Variants in EMCN observed in about 807,000 individuals in gnomAD.
The protein encoded by EMCN is endomucin, also known as MUC-14.
EMCN carries 37 observed loss-of-function variants against 38.4 expected under a neutral mutation model. The observed-to-expected ratio is 0.96, with a 90% CI of 0.74 to 1.27. The LOEUF is 1.27. Among genes scored for constraint, EMCN ranks in the 50% most tolerant of loss-of-function variants. The probability of loss-of-function intolerance (pLI) is 0.00; values close to 1 mark genes in which losing one functional copy is unlikely to be tolerated. For missense variants in EMCN, 318 were observed against 302.8 expected, an observed-to-expected ratio of 1.05 and a Z score of -0.37; for synonymous variants, 95 against 100.8, an observed-to-expected ratio of 0.94 and a Z score of 0.35.
At chr4:100,473,369 T>TTTTC (rs1728538472) in intron 3 of EMCN, among the ~76,000 whole-genome samples, 1 of 99,828 alleles carries the variant, frequency 1.0e-5, no homozygotes, top group Non-Finnish European at 1.9e-5. Flanking sequence ...TTTCGTGTTT[T>TTTTC]TTTGTTTTTT....
At chr4:100,488,444 C>T (rs1402476731) in intron 1 of EMCN, among the ~76,000 whole-genome samples, 2 of 152,016 alleles carry the variant, frequency 1.3e-5, no homozygotes, top group Non-Finnish European at 2.9e-5. Context: ...TGTTGATCTA[C>T]CCAGAACTAG....
intron 1 of EMCN, among the ~76,000 whole-genome samples, chr4:100,514,653 C>T (rs1405382756): frequency 6.6e-6 from 1 of 152,066 alleles, no homozygotes; most frequent in Non-Finnish European, 1.5e-5. Flanking sequence ...TCTTATTTCT[C>T]AGTACTTAAC....
intron 10 of EMCN, 114 bp downstream of exon 10, chr4:100,415,784 C>T (rs1215925543): frequency 5.1e-5 from 33 of 643,422 alleles, no homozygotes; most frequent in Non-Finnish European, 7.8e-5. Context: ...CAGTAATTGG[C>T]TATTTCTAAA....
intron 11 of EMCN, among the ~76,000 whole-genome samples, chr4:100,407,180 G>A (rs566431292): frequency 6.6e-6 from 1 of 152,216 alleles, no homozygotes; most frequent in East Asian, 1.9e-4. Flanking sequence ...TAATCAATTT[G>A]CCACTTTATG....
chr4:100,410,683 A>G (rs1726528550), intron 10 of EMCN, among the ~76,000 whole-genome samples: 2 of 152,192 alleles, frequency 1.3e-5, no homozygotes, highest in Non-Finnish European at 2.9e-5. Flanking sequence ...TGCTTGTTAC[A>G]TGAGCTGGCT....
chr4:100,411,521 A>C (rs1209020759), intron 10 of EMCN, among the ~76,000 whole-genome samples: 2 of 152,180 alleles, frequency 1.3e-5, no homozygotes, highest in Non-Finnish European at 1.5e-5. Flanking sequence ...TTTAATAACA[A>C]TATGATATCA....
At chr4:100,425,889 G>C (rs1727031029) in intron 5 of EMCN, among the ~76,000 whole-genome samples, 1 of 152,104 alleles carries the variant, frequency 6.6e-6, no homozygotes, top group Non-Finnish European at 1.5e-5. Context: ...AGATGACATA[G>C]ATTTGTTCTT....
chr4:100,459,418 G>A lies in EMCN; in HGVS notation c.376+6005C>T, dbSNP rs114321979. On this transcript the variant is annotated intron_variant, in intron 4 of 11. Transcript: ENST00000296420. The stretch of plus-strand genomic sequence containing the variant: ...TCACATACTTATTAGTTTTTTTGTG[G>A]TCAGAACATTTAAAATCTACTCTCT... 7.4e-3 allele frequency among the ~76,000 whole-genome samples: 1,122 copies of A among 151,942 alleles called. 12 individuals are homozygous for A. Among genetic ancestry groups the A allele is most frequent in the Middle Eastern group, 0.017 (5 of 294 alleles).
At chr4:100,481,151 A>G (rs1728795312) in intron 1 of EMCN, among the ~76,000 whole-genome samples, 1 of 152,128 alleles carries the variant, frequency 6.6e-6, no homozygotes, top group South Asian at 2.1e-4. Context: ...GTTAGTTAAG[A>G]GGATGGACTT....
intron 5 of EMCN, among the ~76,000 whole-genome samples, chr4:100,443,157 T>C (rs770584200): frequency 6.6e-6 from 1 of 152,220 alleles, no homozygotes; most frequent in Non-Finnish European, 1.5e-5. Flanking sequence ...GCCCAGCTCA[T>C]TACTTTAAAT....
intron 5 of EMCN, among the ~76,000 whole-genome samples, 180 bp from the exon 6 acceptor site, chr4:100,423,584 A>G (rs1726959709): frequency 6.6e-6 from 1 of 152,176 alleles, no homozygotes; most frequent in African/African-American, 2.4e-5. Flanking sequence ...CTGGAAAGAT[A>G]ATTAAATTTA....
At chr4:100,516,929 C>T (rs1037455336) in intron 1 of EMCN, among the ~76,000 whole-genome samples, 2 of 151,720 alleles carry the variant, frequency 1.3e-5, no homozygotes, top group Admixed American at 1.3e-4. Flanking sequence ...GTAGTTTGTT[C>T]TTCAATTTTC....
At chr4:100,407,485 G>A (rs1476092875) in intron 11 of EMCN, among the ~76,000 whole-genome samples, 1 of 152,086 alleles carries the variant, frequency 6.6e-6, no homozygotes, top group African/African-American at 2.4e-5. Context: ...ATGAGGTCTA[G>A]TTTGGCTGGA....
chr4:100,469,057 TAA>T (rs1312386779), intron 3 of EMCN, among the ~76,000 whole-genome samples: 2 of 151,768 alleles, frequency 1.3e-5, no homozygotes, highest in Non-Finnish European at 2.9e-5. Flanking sequence ...TGGAAGAAAA[TAA>T]AGAGTCCAGA....
intron 3 of EMCN, among the ~76,000 whole-genome samples, chr4:100,474,421 T>C (rs1416860415): frequency 6.6e-6 from 1 of 152,210 alleles, no homozygotes; most frequent in Non-Finnish European, 1.5e-5. Flanking sequence ...TGTAATATAG[T>C]ACAGCTGCTT....
At chr4:100,398,400 A>AAC (rs1207829623) in intron 11 of EMCN, 27 bp from the exon 12 acceptor site, 2 of 152,074 alleles carry the variant, frequency 1.3e-5, no homozygotes, top group Non-Finnish European at 2.9e-5. Flanking sequence ...CAACAACAAC[A>AAC]ACAACAACAA....
intron 3 of EMCN, among the ~76,000 whole-genome samples, chr4:100,467,197 C>T (rs1009668078): frequency 1.3e-5 from 2 of 151,960 alleles, no homozygotes; most frequent in African/African-American, 2.4e-5. Context: ...TGAAGTAGGC[C>T]TTGGAGCAAA....
intron 1 of EMCN, among the ~76,000 whole-genome samples, chr4:100,506,468 T>C (rs2055409): frequency 0.39 from 59,943 of 151,784 alleles, 12,509 homozygotes; most frequent in East Asian, 0.71. Context: ...AGGGTTTAAA[T>C]GCATATATGT....
At chr4:100,442,113 C>T (rs1375925993) in intron 5 of EMCN, among the ~76,000 whole-genome samples, 1 of 152,140 alleles carries the variant, frequency 6.6e-6, no homozygotes, top group Non-Finnish European at 1.5e-5. Context: ...CTTTTCTTGT[C>T]TGGGAACAAT....
Sources: gnomAD v4.1 joint callset for allele counts (sites outside exome capture counted in the v4.1 genomes callset) on GRCh38, gnomAD v4.1.1 for gene constraint, MANE v1.5 for transcripts, NCBI Gene and HGNC (gene_info 2026-07-23, HGNC 2026-07-21) for gene names.